Variants in TANGO6 observed in about 807,000 individuals in gnomAD.
TANGO6 encodes the protein transport and golgi organization 6 homolog.
In TANGO6, 90 loss-of-function variants were observed where a neutral mutation model predicts 114.2. The ratio of observed to expected loss-of-function variants is 0.79; its 90% CI spans 0.66 to 0.94. TANGO6 has a LOEUF of 0.94. TANGO6 is among the 40% of genes least tolerant of loss of function. TANGO6 has a pLI of 0.00. For missense variants in TANGO6, 1,274 were observed against 1,315.3 expected, an observed-to-expected ratio of 0.97 and a Z score of 0.49; for synonymous variants, 477 against 509.8, an observed-to-expected ratio of 0.94 and a Z score of 0.87.
chr16:69,061,977 C>A, intron 17 of TANGO6, among the ~76,000 whole-genome samples: 1 of 151,940 alleles, frequency 6.6e-6, no homozygotes. Flanking sequence ...CGAGATCGCT[C>A]CACTGGCACT....
chr16:68,992,315 T>C (rs1355081758), intron 15 of TANGO6, among the ~76,000 whole-genome samples: 1 of 152,176 alleles, frequency 6.6e-6, no homozygotes, highest in Non-Finnish European at 1.5e-5. Context: ...CATAACTAAC[T>C]GGGTTTTGAT....
chr16:69,076,249 G>A (rs1409450585), intron 17 of TANGO6, among the ~76,000 whole-genome samples: 1 of 149,030 alleles, frequency 6.7e-6, no homozygotes. Context: ...CCACCACCAC[G>A]CCTGGCTAAT....
At chr16:69,003,920 C>A (rs548748389) in intron 15 of TANGO6, among the ~76,000 whole-genome samples, 1 of 151,884 alleles carries the variant, frequency 6.6e-6, no homozygotes, top group Admixed American at 6.6e-5. Context: ...CTTTCCCCTA[C>A]TTACTGTTTT....
At chr16:68,998,375 T>A (rs970961056) in intron 15 of TANGO6, among the ~76,000 whole-genome samples, 3 of 152,124 alleles carry the variant, frequency 2.0e-5, no homozygotes, top group Non-Finnish European at 4.4e-5. Flanking sequence ...TACCATAGTT[T>A]TTGAATCATA....
chr16:69,067,536 A>AAAAAAAAAAAAAAAG (rs1860912479), intron 17 of TANGO6, among the ~76,000 whole-genome samples: 2 of 140,644 alleles, frequency 1.4e-5, no homozygotes, highest in African/African-American at 2.7e-5. Flanking sequence ...AAAAAAAAAA[A>AAAAAAAAAAAAAAAG]ACGCTGGGCG....
intron 14 of TANGO6, among the ~76,000 whole-genome samples, chr16:68,949,870 A>T (rs1950761540): frequency 6.6e-6 from 1 of 152,140 alleles, no homozygotes; most frequent in African/African-American, 2.4e-5. Flanking sequence ...AATAGCTGAA[A>T]AATTGAAACA....
rs370863012 is a variant in TANGO6, at chr16:68,980,098, G to A, written c.2842+5930G>A. 1.7e-4 allele frequency among the ~76,000 whole-genome samples: 25 copies of A among 151,236 alleles called. No homozygotes were observed. In the East Asian group the frequency reaches 3.9e-3, roughly 24 times the overall value. On this transcript the variant is annotated intron_variant, in intron 15 of 17. Transcript: ENST00000261778. ...CCTGACCTCGTGATCTGCCCGCCTC[G>A]GCCTCCCAAAGTGCTGGGATTACAG...
chr16:68,882,011 AT>A (rs1181505237), intron 7 of TANGO6, among the ~76,000 whole-genome samples: 2 of 151,994 alleles, frequency 1.3e-5, no homozygotes, highest in Non-Finnish European at 2.9e-5. Context: ...AATACAATTT[AT>A]TTTAATAAAT....
At chr16:69,037,409 G>A (rs1959706717) in intron 16 of TANGO6, among the ~76,000 whole-genome samples, 1 of 152,212 alleles carries the variant, frequency 6.6e-6, no homozygotes. Flanking sequence ...GTAGAGGGGA[G>A]CAAACATAAT....
intron 17 of TANGO6, among the ~76,000 whole-genome samples, chr16:69,047,036 C>T (rs1959871296): frequency 6.6e-6 from 1 of 150,680 alleles, no homozygotes. Flanking sequence ...CAAAGATTAG[C>T]TGGGCGTGGT....
At chr16:69,072,071 A>T (rs1205689424) in intron 17 of TANGO6, among the ~76,000 whole-genome samples, 52 of 95,004 alleles carry the variant, frequency 5.5e-4, no homozygotes, top group African/African-American at 9.9e-4. Flanking sequence ...GTGTGTGTAG[A>T]GAGAGGGAGA....
chr16:69,053,831 A>C (rs1959990887), intron 17 of TANGO6, among the ~76,000 whole-genome samples: 1 of 152,222 alleles, frequency 6.6e-6, no homozygotes, highest in South Asian at 2.1e-4. Flanking sequence ...TGGGAGGCCA[A>C]GGCGGGTGGA....
chr16:68,929,918 C>T (rs900567850), intron 13 of TANGO6, among the ~76,000 whole-genome samples: 10 of 152,134 alleles, frequency 6.6e-5, no homozygotes, highest in African/African-American at 1.4e-4. Context: ...TGTCACACCC[C>T]GTAGTCTGTC....
Position 69,015,582 on chromosome 16 carries a change from C to T in TANGO6, c.2843-7246C>T, listed in dbSNP as rs376635868. On this transcript the variant is annotated intron_variant, in intron 15 of 17. Transcript: ENST00000261778. Reference sequence around the variant, plus strand: ...CTGTAAGCTCCACCTCCTGGGTTCACGCCATTCTCCTGCCTCAGCTTCCCG... The same window carrying T: ...CTGTAAGCTCCACCTCCTGGGTTCATGCCATTCTCCTGCCTCAGCTTCCCG... 4.6e-5 allele frequency among the ~76,000 whole-genome samples: 7 copies of T among 151,922 alleles called. No individual in the cohort carries two copies. The South Asian group carries it at 1.5e-3, about 32-fold the overall frequency.
chr16:69,041,296 A>G (rs773953237), intron 17 of TANGO6, among the ~76,000 whole-genome samples: 41 of 152,026 alleles, frequency 2.7e-4, no homozygotes, highest in Non-Finnish European at 5.3e-4. Context: ...AAAATACAAA[A>G]TTAGCCAGGT....
intron 15 of TANGO6, among the ~76,000 whole-genome samples, chr16:68,988,175 C>T (rs1014796631): frequency 2.0e-5 from 3 of 152,198 alleles, no homozygotes; most frequent in Admixed American, 2.0e-4. Flanking sequence ...CTTCCCAGGA[C>T]ACTCTAATGG....
chr16:69,021,852 T>C (rs1959410965), intron 15 of TANGO6, among the ~76,000 whole-genome samples: 1 of 151,900 alleles, frequency 6.6e-6, no homozygotes. Flanking sequence ...TTATGATATA[T>C]ACATTTTTTG....
chr16:68,945,564 G>A (rs1344973819), intron 14 of TANGO6, among the ~76,000 whole-genome samples: 2 of 152,188 alleles, frequency 1.3e-5, no homozygotes, highest in African/African-American at 2.4e-5. Flanking sequence ...CCTAATGGGT[G>A]TGAAGGGGTA....
intron 15 of TANGO6, among the ~76,000 whole-genome samples, chr16:68,999,274 G>A (rs1055057296): frequency 4.6e-5 from 7 of 152,104 alleles, no homozygotes; most frequent in African/African-American, 1.2e-4. Context: ...CTTTTCTTGA[G>A]ATCCCAAGAT....
Sources: gnomAD v4.1 joint callset for allele counts (sites outside exome capture counted in the v4.1 genomes callset) on GRCh38, gnomAD v4.1.1 for gene constraint, MANE v1.5 for transcripts, NCBI Gene and HGNC (gene_info 2026-07-23, HGNC 2026-07-21) for gene names.